TEKTL1: variants seen among roughly 807,000 people sequenced by gnomAD.
The protein encoded by TEKTL1 is tektin-like protein 1.
At chr19:15,015,004 T>C in the TEKTL1 span, among the ~76,000 whole-genome samples, 12 of 152,074 alleles carry the variant, frequency 7.9e-5, no homozygotes, top group Admixed American at 7.9e-4. Flanking sequence ...CTGAGCAACA[T>C]AGCAAGCCCT....
the TEKTL1 span, chr19:15,010,909 G>T: frequency 6.4e-7 from 1 of 1,572,970 alleles, no homozygotes; most frequent in East Asian, 2.3e-5. Flanking sequence ...CTCAGGCCAT[G>T]GCGAGGACCG....
At chr19:15,010,978 C>T in the TEKTL1 span, 59 of 1,593,616 alleles carry the variant, frequency 3.7e-5, no homozygotes, top group Middle Eastern at 3.3e-4. Flanking sequence ...AGCCCAAGGA[C>T]AGCGTGCTGG....
the TEKTL1 span, chr19:15,022,862 C>T: frequency 6.3e-7 from 1 of 1,581,920 alleles, no homozygotes; most frequent in Non-Finnish European, 8.6e-7. Context: ...TGCCCTGCTC[C>T]CTATCCAGGG....
chr19:15,018,164 C>T, the TEKTL1 span, among the ~76,000 whole-genome samples: 69 of 152,076 alleles, frequency 4.5e-4, no homozygotes, highest in African/African-American at 1.6e-3. Context: ...ACCAGCCTGG[C>T]CAACATAGCA....
the TEKTL1 span, among the ~76,000 whole-genome samples, chr19:15,019,651 A>G: frequency 6.6e-6 from 1 of 152,172 alleles, no homozygotes; most frequent in South Asian, 2.1e-4. Context: ...ATTTTGTGAA[A>G]GAAAATATTT....
the TEKTL1 span, among the ~76,000 whole-genome samples, chr19:15,017,329 A>T: frequency 6.6e-6 from 1 of 152,174 alleles, no homozygotes; most frequent in South Asian, 2.1e-4. Flanking sequence ...AATGTATGGC[A>T]TGATGGAAAT....
chr19:15,013,186 C>T, the TEKTL1 span, among the ~76,000 whole-genome samples: 50,831 of 151,828 alleles, frequency 0.33, 8,645 homozygotes, highest in Non-Finnish European at 0.37. Context: ...TCCTGCCTCC[C>T]GGGGGAGAGA....
the TEKTL1 span, chr19:15,011,502 G>T: frequency 9.8e-7 from 1 of 1,015,552 alleles, no homozygotes; most frequent in Non-Finnish European, 1.3e-6. Context: ...GGGAGGCCAA[G>T]GCTGGTTGAT....
At chr19:15,022,679 T>A in the TEKTL1 span, among the ~76,000 whole-genome samples, 1 of 150,414 alleles carries the variant, frequency 6.6e-6, no homozygotes, top group South Asian at 2.1e-4. Flanking sequence ...TTCCTACACA[T>A]CTTGACTAGA....
At chr19:15,013,645 G>A in the TEKTL1 span, 24 of 1,540,422 alleles carry the variant, frequency 1.6e-5, no homozygotes, top group Non-Finnish European at 2.0e-5. Context: ...TCTTAACGAT[G>A]TGAGGGATTC....
At chr19:15,011,754 A>AAT in the TEKTL1 span, among the ~76,000 whole-genome samples, 2 of 143,832 alleles carry the variant, frequency 1.4e-5, no homozygotes, top group Non-Finnish European at 3.0e-5. Context: ...AAAAAAAAAT[A>AAT]TTTCCATAGA....
the TEKTL1 span, chr19:15,021,628 A>G: frequency 6.2e-7 from 1 of 1,614,078 alleles, no homozygotes; most frequent in Non-Finnish European, 8.5e-7. Flanking sequence ...AAGATTAAAT[A>G]TGACGTTAGG....
chr19:15,011,402 C>A, the TEKTL1 span: 1 of 1,416,258 alleles, frequency 7.1e-7, no homozygotes, highest in East Asian at 2.8e-5. Flanking sequence ...GAAGGTGGGA[C>A]CCTCCCCCAC....
the TEKTL1 span, among the ~76,000 whole-genome samples, chr19:15,020,307 C>CA: frequency 0.45 from 62,367 of 138,882 alleles, 13,622 homozygotes; most frequent in East Asian, 0.55. Context: ...GATTTTGTCT[C>CA]AAAAAAAAAA....
At chr19:15,020,474 G>T in the TEKTL1 span, 1 of 1,612,950 alleles carries the variant, frequency 6.2e-7, no homozygotes, top group Admixed American at 1.7e-5. Context: ...CTGGCCTCCT[G>T]CCGAGACACT....
the TEKTL1 span, chr19:15,021,205 ACTAT>A: frequency 1.0e-6 from 1 of 955,674 alleles, no homozygotes. Context: ...CGCTTCTTAC[ACTAT>A]CCCCCGCGCC....
At chr19:15,014,856 A>G in the TEKTL1 span, among the ~76,000 whole-genome samples, 1 of 152,224 alleles carries the variant, frequency 6.6e-6, no homozygotes, top group South Asian at 2.1e-4. Flanking sequence ...AGTCGGAGGC[A>G]GAGAAGGGAG....
At chr19:15,015,015 C>T in the TEKTL1 span, among the ~76,000 whole-genome samples, 1 of 152,084 alleles carries the variant, frequency 6.6e-6, no homozygotes, top group East Asian at 1.9e-4. Flanking sequence ...AGCAAGCCCT[C>T]ATCTATATTT....
the TEKTL1 span, among the ~76,000 whole-genome samples, chr19:15,017,369 AG>A: frequency 0.091 from 13,838 of 152,238 alleles, 813 homozygotes; most frequent in South Asian, 0.21. Flanking sequence ...AGTGTTTATA[AG>A]GGTGTATATA....
Sources: allele counts gnomAD v4.1 joint callset (sites outside exome capture counted in the v4.1 genomes callset), GRCh38; gene constraint gnomAD v4.1.1; transcripts MANE v1.5; gene names NCBI Gene and HGNC (gene_info 2026-07-23, HGNC 2026-07-21).